The following GRIA1 variants were observed in gnomAD, a reference collection of about 807,000 sequenced individuals.
The protein encoded by GRIA1 is glutamate receptor 1.
Under a neutral mutation model 99.2 loss-of-function variants are expected in GRIA1, and 31 were observed. The ratio of observed to expected loss-of-function variants is 0.31; its 90% CI spans 0.23 to 0.42. The LOEUF (loss-of-function observed/expected upper bound fraction) is 0.42. Among genes scored for constraint, GRIA1 ranks in the 10% least tolerant of loss-of-function variants. The pLI is 1.00. For synonymous variants in GRIA1, 438 were observed against 432.4 expected, an observed-to-expected ratio of 1.01 and a Z score of -0.16; for missense variants, 782 against 1,157.5, an observed-to-expected ratio of 0.68 and a Z score of 4.71.
chr5:153,523,841 GAATTATTAGTAAT>G (rs1757373781), intron 2 of GRIA1, among the ~76,000 whole-genome samples: 1 of 152,144 alleles, frequency 6.6e-6, no homozygotes, highest in Non-Finnish European at 1.5e-5. Context: ...TTGACTGAAT[GAATTATTAGTAAT>G]CACCAGCCAC....
chr5:153,537,723 G>A (rs892607383), intron 2 of GRIA1, among the ~76,000 whole-genome samples: 1 of 152,206 alleles, frequency 6.6e-6, no homozygotes, highest in African/African-American at 2.4e-5. Context: ...TGCACATTCA[G>A]CCAGTGAAGT....
chr5:153,808,682 T>G (rs1177758447), intron 15 of GRIA1, among the ~76,000 whole-genome samples: 2 of 152,182 alleles, frequency 1.3e-5, no homozygotes, highest in Non-Finnish European at 2.9e-5. Context: ...TGCAACCAAG[T>G]TTCAGAACTA....
chr5:153,752,380 CT>C (rs1476259216), intron 11 of GRIA1, among the ~76,000 whole-genome samples: 2 of 152,136 alleles, frequency 1.3e-5, no homozygotes, highest in Non-Finnish European at 2.9e-5. Flanking sequence ...TTAGCAAGCC[CT>C]TCTGTGTTCC....
intron 10 of GRIA1, among the ~76,000 whole-genome samples, chr5:153,704,622 A>G (rs1242597084): frequency 1.3e-5 from 2 of 152,232 alleles, no homozygotes; most frequent in Admixed American, 6.5e-5. Flanking sequence ...AAATGACTGC[A>G]ATACTACTTT....
intron 2 of GRIA1, among the ~76,000 whole-genome samples, chr5:153,498,472 C>T (rs375768894): frequency 6.6e-6 from 1 of 152,176 alleles, no homozygotes; most frequent in Non-Finnish European, 1.5e-5. Flanking sequence ...GGGAATTACA[C>T]AGCATAAAAA....
At chr5:153,629,321 G>C (rs966279448) in intron 2 of GRIA1, among the ~76,000 whole-genome samples, 1 of 152,162 alleles carries the variant, frequency 6.6e-6, no homozygotes, top group Non-Finnish European at 1.5e-5. Context: ...CTGACTCCGG[G>C]GCCTTCACAG....
chr5:153,491,409 G>A lies in GRIA1; in HGVS notation c.82+439G>A, dbSNP rs3792767. 14 of 633,828 alleles carry A rather than the reference G, an allele frequency of 2.2e-5. No homozygotes were observed. In the East Asian group the frequency reaches 8.9e-4, roughly 40 times the overall value. 39.3% of individuals were successfully genotyped at this position (633,828 alleles called of 1,614,324 possible). A position where few individuals can be genotyped will look rare whatever the true frequency, so the allele number is the denominator to read the frequency against. ...TGCACATATATATGTAATTGAAGGA[G>A]GCAGTGCTTTCTCTGCTGGGGGACA... On this transcript the variant is annotated intron_variant, in intron 1 of 15. Transcript: ENST00000285900.
At chr5:153,588,131 G>T (rs1339823355) in intron 2 of GRIA1, among the ~76,000 whole-genome samples, 1 of 152,224 alleles carries the variant, frequency 6.6e-6, no homozygotes. Context: ...AGGTTGGTTT[G>T]GATGGGGACA....
At chr5:153,528,474 C>T (rs1303996462) in intron 2 of GRIA1, among the ~76,000 whole-genome samples, 1 of 152,124 alleles carries the variant, frequency 6.6e-6, no homozygotes, top group African/African-American at 2.4e-5. Context: ...GCATCAGACT[C>T]ACCTGGAAAA....
intron 2 of GRIA1, among the ~76,000 whole-genome samples, chr5:153,555,302 T>C (rs956349286): frequency 6.6e-6 from 1 of 151,442 alleles, no homozygotes; most frequent in Admixed American, 6.6e-5. Context: ...CTTTGAAGGA[T>C]GTCCACCATT....
chr5:153,635,058 G>A (rs766716975), intron 2 of GRIA1, among the ~76,000 whole-genome samples: 32 of 152,188 alleles, frequency 2.1e-4, no homozygotes, highest in Non-Finnish European at 4.0e-4. Context: ...TTTCAGTAAA[G>A]CTTTGTCTTG....
At chr5:153,696,125 G>C (rs1758079679) in intron 8 of GRIA1, among the ~76,000 whole-genome samples, 1 of 152,146 alleles carries the variant, frequency 6.6e-6, no homozygotes, top group African/African-American at 2.4e-5. Context: ...GGTCTCCCTG[G>C]CTCATATCCT....
At chr5:153,757,292 A>C (rs943721149) in intron 11 of GRIA1, among the ~76,000 whole-genome samples, 3 of 152,226 alleles carry the variant, frequency 2.0e-5, no homozygotes, top group African/African-American at 7.2e-5. Flanking sequence ...GAAAGCTTAT[A>C]GAATCTATGG....
intron 2 of GRIA1, among the ~76,000 whole-genome samples, chr5:153,517,519 G>C (rs1756740724): frequency 6.6e-6 from 1 of 152,170 alleles, no homozygotes; most frequent in South Asian, 2.1e-4. Context: ...AAGGGAAACA[G>C]ACATGAGATA....
chr5:153,603,702 A>G lies in GRIA1; in HGVS notation c.221-43226A>G, dbSNP rs1273456723. Among the ~76,000 whole-genome samples, 5 of 152,298 alleles carry G rather than the reference A, an allele frequency of 3.3e-5. No homozygotes were observed. The South Asian group carries it at 6.2e-4, about 19-fold the overall frequency. On this transcript the variant is annotated intron_variant, in intron 2 of 15. Coordinates refer to ENST00000285900, the MANE Select transcript of GRIA1 (RefSeq NM_000827.4). ...TATATTAGGAGTAGTGGCCTCACCAATGTGGTGTCATGGTTAGTAAAGGAC... is the reference window on the plus strand; with the variant it reads ...TATATTAGGAGTAGTGGCCTCACCAGTGTGGTGTCATGGTTAGTAAAGGAC...
At chr5:153,740,120 T>C (rs572371063) in intron 11 of GRIA1, among the ~76,000 whole-genome samples, 1 of 152,384 alleles carries the variant, frequency 6.6e-6, no homozygotes, top group East Asian at 1.9e-4. Flanking sequence ...GTTTGGCATC[T>C]AAAGTGAATT....
chr5:153,761,810 G>T (rs976539597), intron 11 of GRIA1, among the ~76,000 whole-genome samples: 1 of 152,152 alleles, frequency 6.6e-6, no homozygotes, highest in African/African-American at 2.4e-5. Context: ...AAAGTGGTAT[G>T]TACTCAATGA....
intron 4 of GRIA1, among the ~76,000 whole-genome samples, chr5:153,651,663 C>T (rs1231528310): frequency 6.6e-6 from 1 of 152,130 alleles, no homozygotes; most frequent in African/African-American, 2.4e-5. Flanking sequence ...TCAGAGGCCT[C>T]AGCAATAGAA....
Position 153,677,049 on chromosome 5 carries a change from G to C in GRIA1, c.917G>C (p.Ser306Thr). The C allele has an allele frequency of 6.3e-7, 1 of 1,576,200 alleles. No homozygotes were observed. Among genetic ancestry groups the C allele is most frequent in the Non-Finnish European group, 8.6e-7 (1 of 1,157,698 alleles). ...GVKVMAEAFQ[S>T]LRRQRIDISR... is the part of the protein sequence containing the mutation. Reference sequence around the variant, plus strand: ...AAGGTGATGGCTGAGGCTTTCCAGAGCCTGCGGAGGCAGAGAATTGATATA... The same window carrying C: ...AAGGTGATGGCTGAGGCTTTCCAGACCCTGCGGAGGCAGAGAATTGATATA... The change falls in exon 7 of 16, where the codon AGC becomes ACC. Residue 306 changes from serine (S) to threonine (T), a missense_variant. Ser to Thr is a moderately conservative substitution (Grantham distance 58). This residue lies in a region of GRIA1 where 461 missense variants were observed against 521.7 expected (regional missense o/e 0.88). Coordinates refer to ENST00000285900, the MANE Select transcript of GRIA1 (RefSeq NM_000827.4).
Sources: gnomAD v4.1 joint callset for allele counts (sites outside exome capture counted in the v4.1 genomes callset) on GRCh38, gnomAD v4.1.1 for gene constraint, gnomAD v4.1.1 regional missense constraint, MANE v1.5 for transcripts, NCBI Gene and HGNC (gene_info 2026-07-23, HGNC 2026-07-21) for gene names.